VPS53: variants seen among roughly 807,000 people sequenced by gnomAD.
VPS53 encodes vacuolar protein sorting-associated protein 53 homolog.
A neutral mutation model predicts 107.0 loss-of-function variants in VPS53; 70 were observed. That is an observed-to-expected ratio of 0.65 (90% CI 0.54 to 0.80). VPS53 has a LOEUF of 0.80. Ranked by LOEUF, VPS53 falls within the 30% of genes least tolerant of loss-of-function variation. The pLI, the probability that VPS53 is intolerant of heterozygous loss-of-function variation, is 0.00. For synonymous variants in VPS53, 409 were observed against 393.3 expected (o/e 1.04, Z -0.47); for missense variants, 917 against 1,049.4 (o/e 0.87, Z 1.74).
chr17:661,856 C>G lies in VPS53; in HGVS notation c.325G>C (p.Gly109Arg). 3 of 1,552,144 alleles carry G rather than the reference C, an allele frequency of 1.9e-6. No homozygotes were observed. The highest frequency in any genetic ancestry group is 2.6e-6 in the Non-Finnish European group (3 of 1,147,070). ...EAQKAIQQLF[G>R]KIKDIKDKAE... ...TTGTCTTTGATATCTTTGATTTTGCCAAAGAGTTGTTGGATAGCTTTCTGA... is the reference window on the plus strand; with the variant it reads ...TTGTCTTTGATATCTTTGATTTTGCGAAAGAGTTGTTGGATAGCTTTCTGA... The change falls in exon 5 of 22, where the codon GGC becomes CGC. Residue 109 changes from glycine to arginine, a missense_variant. Coordinates refer to ENST00000437048, the MANE Select transcript of VPS53 (RefSeq NM_001128159.3).
At chr17:549,014 T>C (rs1911563550) in intron 17 of VPS53, among the ~76,000 whole-genome samples, 1 of 152,212 alleles carries the variant, frequency 6.6e-6, no homozygotes, top group Non-Finnish European at 1.5e-5. Context: ...TCATCTCTTA[T>C]ATTAAAGTTA....
intron 2 of VPS53, among the ~76,000 whole-genome samples, chr17:701,168 A>T (rs1042622718): frequency 8.6e-5 from 13 of 151,630 alleles, no homozygotes; most frequent in Admixed American, 3.3e-4. Context: ...TCCAAAAAAT[A>T]AAAAAAAGTT....
intron 4 of VPS53, among the ~76,000 whole-genome samples, chr17:691,768 C>T (rs915839472): frequency 2.0e-5 from 3 of 152,224 alleles, no homozygotes; most frequent in Admixed American, 2.0e-4. Context: ...TCGGCTATTA[C>T]ATACAGCTCC....
intron 7 of VPS53, among the ~76,000 whole-genome samples, chr17:652,962 CGCTGA>C (rs1249132010): frequency 6.6e-6 from 1 of 152,252 alleles, no homozygotes; most frequent in African/African-American, 2.4e-5. Flanking sequence ...GCAGTGAACA[CGCTGA>C]GCTAAGTGCT....
At chr17:527,822 G>A (rs1909240215) in intron 19 of VPS53, among the ~76,000 whole-genome samples, 1 of 152,172 alleles carries the variant, frequency 6.6e-6, no homozygotes, top group South Asian at 2.1e-4. Context: ...GTGTTGCCCA[G>A]GCTGATCTCA....
intron 12 of VPS53, among the ~76,000 whole-genome samples, chr17:589,212 C>CT (rs939408389): frequency 6.0e-5 from 9 of 149,746 alleles, no homozygotes; most frequent in East Asian, 2.0e-4. Flanking sequence ...GTATATTTTG[C>CT]TTTTTTTTTA....
At chr17:662,505 C>A (rs2543778) in intron 4 of VPS53, among the ~76,000 whole-genome samples, 5 of 151,602 alleles carry the variant, frequency 3.3e-5, no homozygotes, top group African/African-American at 1.2e-4. Flanking sequence ...CTGGCTAACA[C>A]GGTGAAACCC....
At position 710,756 on chromosome 17, in the gene VPS53, G is replaced by A. The variant is rs577903999; in HGVS notation, c.88-143C>T. The stretch of plus-strand genomic sequence containing the variant: ...GCACTTTGGGAGGCCAAAGCAGATG[G>A]ATCACCTGAGGTCAGGTCTCTACTA... On this transcript the variant is annotated intron_variant, in intron 1 of 21. Coordinates refer to ENST00000437048, the MANE Select transcript of VPS53 (RefSeq NM_001128159.3). 109 of 582,450 alleles carry A rather than the reference G, an allele frequency of 1.9e-4. No homozygotes were observed. The South Asian group carries it at 2.4e-3, about 13-fold the overall frequency. The allele number at this position is 582,450 out of a possible 1,614,324, so 36.1% of individuals were successfully genotyped here.
chr17:610,841 G>A (rs1968835770), intron 11 of VPS53, among the ~76,000 whole-genome samples: 1 of 151,448 alleles, frequency 6.6e-6, no homozygotes, highest in African/African-American at 2.4e-5. Flanking sequence ...AGGAGACTGA[G>A]GTCCGAGAAT....
At chr17:673,325 G>A (rs890753307) in intron 4 of VPS53, among the ~76,000 whole-genome samples, 14 of 152,064 alleles carry the variant, frequency 9.2e-5, no homozygotes, top group South Asian at 8.3e-4. Flanking sequence ...TGACCACCCC[G>A]GCATCACTGA....
At chr17:556,422 G>A (rs1002609019) in intron 15 of VPS53, among the ~76,000 whole-genome samples, 1 of 152,148 alleles carries the variant, frequency 6.6e-6, no homozygotes, top group African/African-American at 2.4e-5. Context: ...GTGGTATATG[G>A]GAACCATACA....
intron 1 of VPS53, among the ~76,000 whole-genome samples, chr17:711,000 T>C (rs1222946130): frequency 6.6e-6 from 1 of 152,100 alleles, no homozygotes; most frequent in African/African-American, 2.4e-5. Context: ...TCGCTTGAGC[T>C]CAGGAGTTGG....
intron 11 of VPS53, among the ~76,000 whole-genome samples, chr17:609,949 G>A (rs565022170): frequency 1.5e-4 from 23 of 152,132 alleles, no homozygotes; most frequent in African/African-American, 5.3e-4. Context: ...CTAACATGGT[G>A]AAACCGTCTC....
intron 9 of VPS53, 28 bp from the exon 10 acceptor site, chr17:627,344 C>T (rs767666875): frequency 1.3e-5 from 21 of 1,603,234 alleles, no homozygotes; most frequent in Admixed American, 6.9e-5. Context: ...CAAAAGCCAC[C>T]CCAGTGGTTA....
chr17:588,449 CT>C, intron 12 of VPS53, among the ~76,000 whole-genome samples: 1 of 151,968 alleles, frequency 6.6e-6, no homozygotes, highest in Non-Finnish European at 1.5e-5. Context: ...TATTTCTGGC[CT>C]TTAAAAAAAT....
At chr17:611,160 C>T (rs1338148057) in intron 11 of VPS53, among the ~76,000 whole-genome samples, 1 of 151,958 alleles carries the variant, frequency 6.6e-6, no homozygotes, top group Non-Finnish European at 1.5e-5. Flanking sequence ...ATTATAGGCA[C>T]CCGCCACCAC....
At chr17:601,991 G>T in intron 11 of VPS53, 95 bp from the exon 12 acceptor site, 4 of 867,216 alleles carry the variant, frequency 4.6e-6, no homozygotes, top group Non-Finnish European at 5.1e-6. Context: ...CAACAAGGAA[G>T]TCATGCACGC....
chr17:610,782 A>AC (rs1353804716), intron 11 of VPS53, among the ~76,000 whole-genome samples: 1 of 150,762 alleles, frequency 6.6e-6, no homozygotes, highest in African/African-American at 2.4e-5. Flanking sequence ...TACAAAAAAT[A>AC]CAAAAATTAG....
intron 17 of VPS53, 141 bp downstream of exon 17, chr17:551,731 C>T: frequency 1.6e-6 from 1 of 618,822 alleles, no homozygotes; most frequent in Non-Finnish European, 2.6e-6. Flanking sequence ...TGAGTGCTTT[C>T]AGGAACTCCG....
Sources: allele counts gnomAD v4.1 joint callset (sites outside exome capture counted in the v4.1 genomes callset), GRCh38; gene constraint gnomAD v4.1.1; transcripts MANE v1.5; gene names NCBI Gene and HGNC (gene_info 2026-07-23, HGNC 2026-07-21).